DOCK2: variants seen among roughly 807,000 people sequenced by gnomAD.
DOCK2 encodes the protein dedicator of cytokinesis protein 2.
Under a neutral mutation model 248.9 loss-of-function variants are expected in DOCK2, and 87 were observed. That is an observed-to-expected ratio of 0.35 (90% CI 0.29 to 0.42). The LOEUF (loss-of-function observed/expected upper bound fraction) is 0.42. Among genes scored for constraint, DOCK2 ranks in the 10% least tolerant of loss-of-function variants. The pLI, the probability that DOCK2 is intolerant of heterozygous loss-of-function variation, is 1.00. For missense variants in DOCK2, 1,747 were observed against 2,300.2 expected (o/e 0.76, Z 4.92); for synonymous variants, 805 against 821.6 (o/e 0.98, Z 0.35).
At chr5:170,032,476 C>G (rs181050234) in intron 34 of DOCK2, among the ~76,000 whole-genome samples, 9 of 152,310 alleles carry the variant, frequency 5.9e-5, no homozygotes, top group Admixed American at 2.0e-4. Context: ...GTGATTCTAT[C>G]ATGTGACCAG....
chr5:170,080,355 G>T, intron 50 of DOCK2, 72 bp downstream of exon 50: 1 of 1,593,950 alleles, frequency 6.3e-7, no homozygotes, highest in South Asian at 1.1e-5. Context: ...GGTGGAGGAT[G>T]GATGGGAACT....
chr5:169,696,498 G>A lies in DOCK2; in HGVS notation c.979+560G>A, dbSNP rs148490229. On this transcript the variant is annotated intron_variant, in intron 10 of 51. Coordinates refer to ENST00000520908, the MANE Select transcript of DOCK2 (RefSeq NM_004946.3). ...TTCTTGCCCCACTTTTATGGTTTTA[G>A]TTATGTTTGACTACCACTTGTACTG... 5.3e-5 allele frequency among the ~76,000 whole-genome samples: 8 copies of A among 152,230 alleles called. No homozygotes were observed. The East Asian group carries it at 1.5e-3, about 29-fold the overall frequency.
intron 27 of DOCK2, among the ~76,000 whole-genome samples, chr5:169,878,617 C>T (rs1772462857): frequency 6.6e-6 from 1 of 152,166 alleles, no homozygotes; most frequent in Admixed American, 6.5e-5. Context: ...CAGATTTTCC[C>T]CTCTAGGTTA....
chr5:169,716,357 T>C (rs1761915362), intron 20 of DOCK2, 55 bp downstream of exon 20: 1 of 1,569,482 alleles, frequency 6.4e-7, no homozygotes, highest in Non-Finnish European at 8.8e-7. Context: ...TATGTCTTAC[T>C]GTGAAAATAC....
chr5:169,971,446 TCATGA>T (rs1777506658), intron 27 of DOCK2, among the ~76,000 whole-genome samples: 1 of 125,772 alleles, frequency 8.0e-6, no homozygotes, highest in African/African-American at 3.4e-5. Context: ...TTTTTTTTTT[TCATGA>T]AAGACATCAG....
chr5:169,828,223 C>T (rs1024479517), intron 26 of DOCK2, among the ~76,000 whole-genome samples: 3 of 152,202 alleles, frequency 2.0e-5, no homozygotes, highest in African/African-American at 7.2e-5. Context: ...TTTAGATCGA[C>T]ATACTCCCTC....
intron 25 of DOCK2, among the ~76,000 whole-genome samples, chr5:169,762,820 C>A (rs542743597): frequency 6.6e-6 from 1 of 152,206 alleles, no homozygotes; most frequent in Non-Finnish European, 1.5e-5. Flanking sequence ...TCTTAGAATT[C>A]AGAGGATCAG....
Position 169,763,434 on chromosome 5 carries a change from C to A in DOCK2, c.2554+1809C>A, listed in dbSNP as rs1325038333. On this transcript the variant is annotated intron_variant, in intron 25 of 51. Coordinates refer to ENST00000520908, the MANE Select transcript of DOCK2 (RefSeq NM_004946.3). This position sits in a 1 kb window ranked among gnomAD's most constrained non-coding sequence, Gnocchi z 4.1. ...GCAGGGAGTGGGCTGCTTGGCTCTT[C>A]TTCATTGTTCAGAGCTGCTGTCATT... is the stretch of plus-strand genomic sequence containing the variant. Among the ~76,000 whole-genome samples, 1 of 152,246 alleles carries A rather than the reference C, an allele frequency of 6.6e-6. No homozygotes were observed. Among genetic ancestry groups the A allele is most frequent in the African/African-American group, 2.4e-5 (1 of 41,462 alleles).
intron 19 of DOCK2, 26 bp from the exon 20 acceptor site, chr5:169,716,187 A>G (rs1268984590): frequency 1.2e-6 from 2 of 1,605,434 alleles, no homozygotes; most frequent in Non-Finnish European, 1.7e-6. Context: ...TTTCTGAAGT[A>G]GTGCAACCTT....
chr5:169,702,199 T>C, intron 13 of DOCK2, 104 bp from the exon 14 acceptor site: 1 of 1,404,870 alleles, frequency 7.1e-7, no homozygotes, highest in South Asian at 1.4e-5. Context: ...TTAATACCAA[T>C]CCAGGTGGGA....
chr5:169,872,841 TCA>T (rs1772071867), intron 27 of DOCK2, among the ~76,000 whole-genome samples: 1 of 152,234 alleles, frequency 6.6e-6, no homozygotes, highest in Admixed American at 6.5e-5. Context: ...TCTCTGAGCC[TCA>T]GTTTCCTCAT....
At chr5:169,965,052 G>A (rs1007766210) in intron 27 of DOCK2, among the ~76,000 whole-genome samples, 3 of 152,192 alleles carry the variant, frequency 2.0e-5, no homozygotes, top group Non-Finnish European at 4.4e-5. Flanking sequence ...ATCTGTTGAA[G>A]CCCTACTGTG....
chr5:170,000,019 C>T (rs1464184047), intron 30 of DOCK2: 1 of 152,226 alleles, frequency 6.6e-6, no homozygotes, highest in Non-Finnish European at 1.5e-5. Context: ...GCTAAGATCA[C>T]TTGCATTCCA....
chr5:169,873,934 G>A (rs1772144583), intron 27 of DOCK2, among the ~76,000 whole-genome samples: 1 of 152,188 alleles, frequency 6.6e-6, no homozygotes, highest in African/African-American at 2.4e-5. Context: ...GCTTTGGCCT[G>A]CATTCCAGGG....
At chr5:169,723,175 G>A (rs533673633) in intron 22 of DOCK2, among the ~76,000 whole-genome samples, 54 of 152,114 alleles carry the variant, frequency 3.5e-4, no homozygotes, top group African/African-American at 1.1e-3. Flanking sequence ...ATTTAACCCT[G>A]ATCTCCTGCT....
At chr5:169,868,181 G>A (rs1771719192) in intron 27 of DOCK2, among the ~76,000 whole-genome samples, 1 of 152,188 alleles carries the variant, frequency 6.6e-6, no homozygotes, top group African/African-American at 2.4e-5. Flanking sequence ...CAGGTTCCAG[G>A]AACACAACAG....
At chr5:169,978,397 G>GGC (rs1561863725) in intron 27 of DOCK2, among the ~76,000 whole-genome samples, 2 of 143,674 alleles carry the variant, frequency 1.4e-5, no homozygotes, top group African/African-American at 5.2e-5. Context: ...GTGTGTGGGG[G>GGC]GGGGGGGGTG....
At chr5:169,846,519 GTTTAC>G (rs1327609603) in intron 27 of DOCK2, among the ~76,000 whole-genome samples, 1 of 151,868 alleles carries the variant, frequency 6.6e-6, no homozygotes, top group Non-Finnish European at 1.5e-5. Flanking sequence ...GTAACTTCTT[GTTTAC>G]TTAAGTCCTA....
intron 27 of DOCK2, among the ~76,000 whole-genome samples, chr5:169,977,400 T>C (rs1303143601): frequency 6.6e-6 from 1 of 152,248 alleles, no homozygotes; most frequent in African/African-American, 2.4e-5. Flanking sequence ...TCTCTGGACT[T>C]GAGTCAGCAA....
Sources: allele counts gnomAD v4.1 joint callset (sites outside exome capture counted in the v4.1 genomes callset), GRCh38; gene constraint gnomAD v4.1.1; non-coding constraint Gnocchi (gnomAD v3.1); transcripts MANE v1.5; gene names NCBI Gene and HGNC (gene_info 2026-07-23, HGNC 2026-07-21).